GCLM: variants seen among roughly 807,000 people sequenced by gnomAD.
GCLM encodes the protein glutamate--cysteine ligase regulatory subunit.
A neutral mutation model predicts 36.0 loss-of-function variants in GCLM; 15 were observed. The ratio of observed to expected loss-of-function variants is 0.42; its 90% CI spans 0.28 to 0.64. The LOEUF is 0.64. GCLM is among the 30% of genes least tolerant of loss of function. GCLM has a pLI of 0.25. For synonymous variants in GCLM, 129 were observed against 122.8 expected (o/e 1.05, Z -0.34); for missense variants, 242 against 325.5 (o/e 0.74, Z 1.97).
intron 5 of GCLM, among the ~76,000 whole-genome samples, chr1:93,895,826 A>G (rs1463445855): frequency 6.6e-6 from 1 of 152,222 alleles, no homozygotes; most frequent in Non-Finnish European, 1.5e-5. Context: ...CACTCACTCC[A>G]TATCAAGTTG....
chr1:93,908,492 G>C (rs955268869), intron 1 of GCLM, among the ~76,000 whole-genome samples: 8 of 152,208 alleles, frequency 5.3e-5, no homozygotes, highest in Non-Finnish European at 2.9e-5. Context: ...TGCATAAAAT[G>C]TGTAATGACT....
chr1:93,904,362 C>T, intron 2 of GCLM, 161 bp downstream of exon 2: 1 of 629,666 alleles, frequency 1.6e-6, no homozygotes, highest in Admixed American at 2.8e-5. Context: ...CTGTTTTATG[C>T]ATAAGCCTAC....
intron 5 of GCLM, 124 bp from the exon 6 acceptor site, chr1:93,894,852 A>G (rs1386963431): frequency 6.8e-6 from 4 of 589,096 alleles, no homozygotes; most frequent in Non-Finnish European, 1.2e-5. Context: ...CACAGTGATT[A>G]AAGTTTACAA....
In GCLM at chr1:93,897,907, CA is replaced by C. The variant is rs762457374; in HGVS notation, c.278-10del. On this transcript the variant is annotated splice_polypyrimidine_tract_variant and intron_variant, in intron 3 of 6. Coordinates refer to ENST00000370238, the MANE Select transcript of GCLM (RefSeq NM_002061.4). ...TACAATGAACAGTTTTGCTGGGTAA[CA>C]AAGAAAACAAAACTGATTACTACAT... is the stretch of plus-strand genomic sequence containing the variant. The C allele has an allele frequency of 5.3e-6, 8 of 1,504,364 alleles. No homozygotes were observed. The highest frequency in any genetic ancestry group is 2.4e-5 in the East Asian group (1 of 41,088). The allele number at this position is 1,504,364 out of a possible 1,614,324, so 93.2% of individuals were successfully genotyped here. A position where few individuals can be genotyped will look rare whatever the true frequency, so the allele number is the denominator to read the frequency against.
intron 5 of GCLM, among the ~76,000 whole-genome samples, chr1:93,896,261 G>A (rs545140034): frequency 3.2e-4 from 49 of 152,118 alleles, no homozygotes; most frequent in Admixed American, 1.2e-3. Flanking sequence ...ACACCCGGCC[G>A]TAAGGTTTTT....
At chr1:93,903,102 C>T (rs7527855) in intron 2 of GCLM, among the ~76,000 whole-genome samples, 239 of 152,102 alleles carry the variant, frequency 1.6e-3, no homozygotes, top group African/African-American at 5.4e-3. Flanking sequence ...TATATACACT[C>T]GCCTACTGAA....
rs146642975 is a variant in GCLM at position 93,903,789 on chromosome 1, C to T, written c.192+734G>A. On this transcript the variant is annotated intron_variant, in intron 2 of 6. Coordinates refer to ENST00000370238, the MANE Select transcript of GCLM (RefSeq NM_002061.4). Reference sequence around the variant, plus strand: ...CATTTACAATATCATACAAAGTAAACGGCAAAGGCTTTCCCATGATTCTTG... The same window carrying T: ...CATTTACAATATCATACAAAGTAAATGGCAAAGGCTTTCCCATGATTCTTG... Among the ~76,000 whole-genome samples, 668 of 152,110 alleles carry T rather than the reference C, an allele frequency of 4.4e-3. 7 individuals carry two copies. Among genetic ancestry groups the T allele is most frequent in the African/African-American group, 0.015 (631 of 41,486 alleles).
At chr1:93,902,321 G>C (rs982621686) in intron 2 of GCLM, among the ~76,000 whole-genome samples, 3 of 152,024 alleles carry the variant, frequency 2.0e-5, no homozygotes, top group Non-Finnish European at 2.9e-5. Context: ...TGGGACTACA[G>C]GTGCACGCCG....
Position 93,885,593 on chromosome 1 carries a change from A to C in GCLM, c.*3397T>G, listed in dbSNP as rs998852759. On this transcript the variant is annotated 3_prime_UTR_variant, in exon 7 of 7. Coordinates refer to ENST00000370238, the MANE Select transcript of GCLM (RefSeq NM_002061.4). ...AAAAAGGTATATGTTCTGGTATATT[A>C]GGAAGTTAATGATGAAAAATATAGG... is the stretch of plus-strand genomic sequence containing the variant. 6.6e-6 allele frequency: 1 copy of C among 152,236 alleles called. No individual in the cohort carries two copies. Among genetic ancestry groups the C allele is most frequent in the African/African-American group, 2.4e-5 (1 of 41,482 alleles). The allele number at this position is 152,236 out of a possible 1,614,324, so 9.4% of individuals were successfully genotyped here.
chr1:93,907,370 A>C (rs888345672), intron 1 of GCLM, among the ~76,000 whole-genome samples: 5 of 152,376 alleles, frequency 3.3e-5, no homozygotes, highest in Non-Finnish European at 7.3e-5. Flanking sequence ...GACTCTGAGC[A>C]TCAAGAAATC....
chr1:93,904,681 A>G (rs1657079078), intron 1 of GCLM, 93 bp from the exon 2 acceptor site: 3 of 814,602 alleles, frequency 3.7e-6, no homozygotes, highest in Non-Finnish European at 6.2e-6. Flanking sequence ...ATAAGCAGGA[A>G]AAAAAAGATA....
chr1:93,909,092 G>T lies in GCLM; in HGVS notation c.72C>A (p.Asn24Lys). ...TCCGCAGGCGGCCCCAGTTCAGCAG[G>T]TTCCCCGTCTGCAGGTGCAGGGTGC... ...RARTLHLQTG[N>K]LLNWGRLRKK... Residue 24 changes from asparagine to lysine, a missense_variant, in exon 1 of 7, where the codon AAC becomes AAA. Coordinates refer to ENST00000370238, the MANE Select transcript of GCLM (RefSeq NM_002061.4). The T allele has an allele frequency of 6.8e-7, 1 of 1,473,242 alleles. No homozygotes were observed. The highest frequency in any genetic ancestry group is 8.9e-7 in the Non-Finnish European group (1 of 1,117,450). The allele number at this position is 1,473,242 out of a possible 1,614,324, so 91.3% of individuals were successfully genotyped here.
chr1:93,898,329 A>AG (rs869295859), intron 3 of GCLM, among the ~76,000 whole-genome samples: 1 of 143,968 alleles, frequency 6.9e-6, no homozygotes, highest in African/African-American at 2.6e-5. Context: ...AAAAAAAAAA[A>AG]GGCCACAATT....
At chr1:93,896,442 C>T (rs1207799572) in intron 5 of GCLM, among the ~76,000 whole-genome samples, 176 bp downstream of exon 5, 1 of 152,138 alleles carries the variant, frequency 6.6e-6, no homozygotes, top group Admixed American at 6.5e-5. Flanking sequence ...ACAAAAACCT[C>T]AAATGATTTA....
chr1:93,908,310 T>C (rs1304759182), intron 1 of GCLM, among the ~76,000 whole-genome samples: 1 of 152,224 alleles, frequency 6.6e-6, no homozygotes, highest in Non-Finnish European at 1.5e-5. Context: ...AACTAGTGAC[T>C]AGTCTTTTTA....
rs1451742549 is a variant in GCLM at position 93,886,993 on chromosome 1, T to TTTTC, written c.*1993_*1996dup. Reference sequence around the variant, plus strand: ...GGCAAATCACATGATTTCACATAATTTTTCTTTTTTTTTTTTTTTTGAGAC... The same window carrying TTTTC: ...GGCAAATCACATGATTTCACATAATTTTTCTTTCTTTTTTTTTTTTTTTTGAGAC... On this transcript the variant is annotated 3_prime_UTR_variant, in exon 7 of 7. Coordinates refer to ENST00000370238, the MANE Select transcript of GCLM (RefSeq NM_002061.4). 8.1e-6 allele frequency: 1 copy of TTTTC among 123,338 alleles called. No individual in the cohort carries two copies. 7.6% of individuals were successfully genotyped at this position (123,338 alleles called of 1,614,324 possible).
chr1:93,886,258 C>T lies in GCLM; in HGVS notation c.*2732G>A, dbSNP rs1269173516. ...GAAAAAAAACAATTATATAAACTTT[C>T]TACCTTGGTCTCACTGGATGCACAT... On this transcript the variant is annotated 3_prime_UTR_variant, in exon 7 of 7. Transcript: ENST00000370238. 1 of 151,882 alleles carries T rather than the reference C, an allele frequency of 6.6e-6. No homozygotes were observed. Among genetic ancestry groups the T allele is most frequent in the Non-Finnish European group, 1.5e-5 (1 of 67,948 alleles). The allele number at this position is 151,882 out of a possible 1,614,324, so 9.4% of individuals were successfully genotyped here. A position where few individuals can be genotyped will look rare whatever the true frequency, so the allele number is the denominator to read the frequency against.
chr1:93,907,046 G>A (rs144004895), intron 1 of GCLM, among the ~76,000 whole-genome samples: 70 of 152,194 alleles, frequency 4.6e-4, no homozygotes, highest in Non-Finnish European at 8.4e-4. Context: ...GACCCAACAC[G>A]TACATTTTCT....
At chr1:93,889,448 T>C (rs1656448736) in intron 6 of GCLM, among the ~76,000 whole-genome samples, 1 of 151,700 alleles carries the variant, frequency 6.6e-6, no homozygotes, top group Admixed American at 6.6e-5. Flanking sequence ...GTGATTCTAA[T>C]GTATAGTCAG....
Sources: allele counts gnomAD v4.1 joint callset (sites outside exome capture counted in the v4.1 genomes callset), GRCh38; gene constraint gnomAD v4.1.1; transcripts MANE v1.5; gene names NCBI Gene and HGNC (gene_info 2026-07-23, HGNC 2026-07-21).